Variants in SH3PXD2A observed in about 807,000 individuals in gnomAD.
SH3PXD2A encodes SH3 and PX domain-containing protein 2A.
A neutral mutation model predicts 115.2 loss-of-function variants in SH3PXD2A; 32 were observed. That is an observed-to-expected ratio of 0.28 (90% CI 0.21 to 0.37). SH3PXD2A has a LOEUF of 0.37. SH3PXD2A is among the 10% of genes least tolerant of loss of function. The pLI is 1.00. For synonymous variants in SH3PXD2A, 610 were observed against 629.1 expected, an observed-to-expected ratio of 0.97 and a Z score of 0.45; for missense variants, 1,328 against 1,498.7, an observed-to-expected ratio of 0.89 and a Z score of 1.88.
At chr10:103,729,044 G>A (rs1817112927) in intron 4 of SH3PXD2A, among the ~76,000 whole-genome samples, 1 of 152,032 alleles carries the variant, frequency 6.6e-6, no homozygotes, top group Non-Finnish European at 1.5e-5. Context: ...ACAGGCACGT[G>A]CCACCACAGC....
chr10:103,722,133 G>A (rs191179899), intron 5 of SH3PXD2A, among the ~76,000 whole-genome samples: 27 of 151,804 alleles, frequency 1.8e-4, no homozygotes, highest in African/African-American at 5.8e-4. Context: ...GTGAAACCCC[G>A]TCTCTACTAA....
Position 103,602,247 on chromosome 10 carries a change from T to C in SH3PXD2A, c.2971A>G (p.Asn991Asp), listed in dbSNP as rs938345700. The change falls in exon 15 of 15, where the codon AAC (asparagine) becomes GAC (aspartate). Residue 991 changes from asparagine to aspartate, a missense_variant. Asn to Asp is a conservative substitution (Grantham distance 23, BLOSUM62 1). Transcript: ENST00000369774. ...CTCCGCAGGGCGCAGGACAGGTTGT[T>C]GTCCTTGGGTGGCGGGGACACAAAC... ...SVFVSPPPKD[N>D]NLSCALRRNE... The C allele has an allele frequency of 6.2e-7, 1 of 1,610,680 alleles. No individual in the cohort carries two copies. The highest frequency in any genetic ancestry group is 1.3e-5 in the African/African-American group (1 of 75,024).
chr10:103,718,299 A>G (rs1178006333), intron 5 of SH3PXD2A, among the ~76,000 whole-genome samples: 1 of 152,078 alleles, frequency 6.6e-6, no homozygotes, highest in Non-Finnish European at 1.5e-5. Flanking sequence ...TTACAGGCAT[A>G]AGCCACCGCA....
At chr10:103,642,352 A>G (rs183040282) in intron 8 of SH3PXD2A, among the ~76,000 whole-genome samples, 1 of 152,316 alleles carries the variant, frequency 6.6e-6, no homozygotes, top group Admixed American at 6.5e-5. Flanking sequence ...TTTGCTAGAC[A>G]GGGGTTAAAG....
chr10:103,743,133 C>T (rs1007640839), intron 3 of SH3PXD2A, among the ~76,000 whole-genome samples: 12 of 152,080 alleles, frequency 7.9e-5, no homozygotes, highest in African/African-American at 2.7e-4. Context: ...CCTCACCAGG[C>T]GCCTCCATCC....
At chr10:103,713,765 T>G (rs1395259343) in intron 5 of SH3PXD2A, among the ~76,000 whole-genome samples, 1 of 152,194 alleles carries the variant, frequency 6.6e-6, no homozygotes, top group African/African-American at 2.4e-5. Flanking sequence ...GGCAAGGACA[T>G]TGAGGTTTTG....
At chr10:103,675,050 G>C (rs955409055) in intron 6 of SH3PXD2A, among the ~76,000 whole-genome samples, 1 of 152,206 alleles carries the variant, frequency 6.6e-6, no homozygotes, top group Non-Finnish European at 1.5e-5. Flanking sequence ...CAGCTGGTCA[G>C]AGATACCCAT....
chr10:103,702,978 C>G (rs1396310013), intron 5 of SH3PXD2A, among the ~76,000 whole-genome samples: 1 of 152,194 alleles, frequency 6.6e-6, no homozygotes, highest in Non-Finnish European at 1.5e-5. Context: ...GATACCAGGG[C>G]CCCACTGCAG....
intron 2 of SH3PXD2A, among the ~76,000 whole-genome samples, chr10:103,790,159 C>CT (rs1267623695): frequency 0.031 from 4,534 of 144,872 alleles, 89 homozygotes; most frequent in Non-Finnish European, 0.043. Context: ...AGAGGACTTT[C>CT]TTTTTTTTTT....
intron 5 of SH3PXD2A, among the ~76,000 whole-genome samples, chr10:103,714,713 G>A (rs193291095): frequency 1.3e-5 from 2 of 152,366 alleles, no homozygotes; most frequent in Admixed American, 1.3e-4. Flanking sequence ...CCAAGGTCCA[G>A]CTGGCCCTCC....
intron 7 of SH3PXD2A, chr10:103,662,017 C>A (rs1312496587): frequency 1.1e-6 from 1 of 934,784 alleles, no homozygotes; most frequent in Non-Finnish European, 1.3e-6. Context: ...GGCCTGCCCC[C>A]AGCCCTGCTT....
intron 13 of SH3PXD2A, among the ~76,000 whole-genome samples, chr10:103,608,158 A>AAAAAAAAAAGTTTAC (rs1463695098): frequency 2.8e-5 from 4 of 144,882 alleles, no homozygotes; most frequent in Non-Finnish European, 3.0e-5. Context: ...TTTAAAAAAA[A>AAAAAAAAAAGTTTAC]AAAAAAAAAA....
At chr10:103,760,386 T>C (rs1260027006) in intron 3 of SH3PXD2A, among the ~76,000 whole-genome samples, 1 of 152,040 alleles carries the variant, frequency 6.6e-6, no homozygotes, top group Non-Finnish European at 1.5e-5. Flanking sequence ...CTAAGCAACA[T>C]GATAAAACCC....
intron 1 of SH3PXD2A, among the ~76,000 whole-genome samples, chr10:103,841,837 C>G (rs1002720503): frequency 3.3e-5 from 5 of 152,244 alleles, no homozygotes; most frequent in South Asian, 4.1e-4. Flanking sequence ...TAAAATAGCA[C>G]AGCAAGGCCG....
intron 8 of SH3PXD2A, among the ~76,000 whole-genome samples, chr10:103,635,362 G>A (rs1052233784): frequency 1.3e-5 from 2 of 152,204 alleles, no homozygotes; most frequent in African/African-American, 2.4e-5. Flanking sequence ...CAAGGGGCCT[G>A]GGCTGGCTAG....
At chr10:103,691,541 G>C (rs1456655092) in intron 6 of SH3PXD2A, among the ~76,000 whole-genome samples, 6 of 152,076 alleles carry the variant, frequency 3.9e-5, no homozygotes. Flanking sequence ...TGGAGTGACA[G>C]TGGAGGAATG....
At chr10:103,825,585 G>A (rs888784422) in intron 1 of SH3PXD2A, among the ~76,000 whole-genome samples, 3 of 152,002 alleles carry the variant, frequency 2.0e-5, no homozygotes, top group African/African-American at 7.2e-5. Flanking sequence ...ATGTGAACAG[G>A]ATGCCATCAA....
At chr10:103,795,903 A>AGGAAGG (rs2039081322) in intron 2 of SH3PXD2A, among the ~76,000 whole-genome samples, 1 of 120,014 alleles carries the variant, frequency 8.3e-6, no homozygotes, top group South Asian at 3.1e-4. Context: ...GGAGGGAGGA[A>AGGAAGG]AAGGAAGGAA....
intron 3 of SH3PXD2A, among the ~76,000 whole-genome samples, chr10:103,763,166 GTA>G (rs997526568): frequency 6.6e-5 from 10 of 152,156 alleles, no homozygotes; most frequent in African/African-American, 2.4e-4. Context: ...GGGCAAGCAT[GTA>G]ACCAAGCCAT....
Sources: allele counts gnomAD v4.1 joint callset (sites outside exome capture counted in the v4.1 genomes callset), GRCh38; gene constraint gnomAD v4.1.1; transcripts MANE v1.5; gene names NCBI Gene and HGNC (gene_info 2026-07-23, HGNC 2026-07-21).